Variants in HEPHL1 observed in about 807,000 individuals in gnomAD.
HEPHL1 encodes the protein hephaestin like 1.
Under a neutral mutation model 122.0 loss-of-function variants are expected in HEPHL1, and 123 were observed. That is an observed-to-expected ratio of 1.01 (90% CI 0.87 to 1.17). The LOEUF is 1.17. Ranked by LOEUF, HEPHL1 falls within the 50% of genes most tolerant of loss-of-function variation. The pLI is 0.00. For missense variants in HEPHL1, 1,452 were observed against 1,430.5 expected, an observed-to-expected ratio of 1.01 and a Z score of -0.24; for synonymous variants, 527 against 508.9, an observed-to-expected ratio of 1.04 and a Z score of -0.48.
chr11:94,108,215 A>T (rs1167974362), intron 17 of HEPHL1, among the ~76,000 whole-genome samples: 1 of 152,050 alleles, frequency 6.6e-6, no homozygotes, highest in Non-Finnish European at 1.5e-5. Context: ...ATCTTTGGTG[A>T]AGTGTCCAAA....
chr11:94,093,330 T>C (rs981111445), intron 12 of HEPHL1, among the ~76,000 whole-genome samples, 171 bp from the exon 13 acceptor site: 3 of 152,038 alleles, frequency 2.0e-5, no homozygotes, highest in Non-Finnish European at 2.9e-5. Flanking sequence ...AAAGTGCAGA[T>C]GCCTGGCCTC....
At chr11:94,087,123 C>A (rs561824536) in intron 11 of HEPHL1, among the ~76,000 whole-genome samples, 1 of 152,114 alleles carries the variant, frequency 6.6e-6, no homozygotes. Flanking sequence ...TGAACTTTTC[C>A]TAGTGTCCAG....
intron 9 of HEPHL1, among the ~76,000 whole-genome samples, chr11:94,079,500 G>A (rs752265316): frequency 1.4e-4 from 22 of 152,292 alleles, no homozygotes; most frequent in Non-Finnish European, 2.8e-4. Flanking sequence ...AATAGTAGGC[G>A]CAAGGAGTAC....
chr11:94,083,469 G>C (rs943161207), intron 10 of HEPHL1, among the ~76,000 whole-genome samples: 4 of 152,176 alleles, frequency 2.6e-5, no homozygotes, highest in Admixed American at 6.5e-5. Flanking sequence ...AGAGTAATGA[G>C]AGTCCAAACT....
At chr11:94,043,081 T>A (rs1038463841) in intron 1 of HEPHL1, among the ~76,000 whole-genome samples, 1 of 151,970 alleles carries the variant, frequency 6.6e-6, no homozygotes, top group Non-Finnish European at 1.5e-5. Flanking sequence ...GACACGTGCT[T>A]AACACATTTT....
At chr11:94,081,611 A>G (rs987061147) in intron 9 of HEPHL1, among the ~76,000 whole-genome samples, 4 of 152,096 alleles carry the variant, frequency 2.6e-5, no homozygotes, top group African/African-American at 9.7e-5. Context: ...TATCCACTCA[A>G]GTTAACATAA....
chr11:94,042,886 A>AAAAAAAAAAAAAAAAAAAAT (rs1454089883), intron 1 of HEPHL1, among the ~76,000 whole-genome samples: 1 of 149,116 alleles, frequency 6.7e-6, no homozygotes, highest in African/African-American at 2.4e-5. Flanking sequence ...AAAAAAAAAA[A>AAAAAAAAAAAAAAAAAAAAT]AAAAAAACTG....
intron 3 of HEPHL1, 91 bp downstream of exon 3, chr11:94,063,811 TG>T (rs1425107370): frequency 4.8e-6 from 5 of 1,040,912 alleles, no homozygotes; most frequent in Non-Finnish European, 5.9e-6. Context: ...CCACACAGAA[TG>T]TGCCTCTTCC....
At position 94,110,931 on chromosome 11, in the gene HEPHL1, A is replaced by G. The variant is rs757623106; in HGVS notation, c.3074A>G (p.Tyr1025Cys). The G allele has an allele frequency of 1.1e-5, 18 of 1,613,084 alleles. No homozygotes were observed. The highest frequency in any genetic ancestry group is 1.5e-5 in the Non-Finnish European group (18 of 1,179,580). ...GATAAATCTTACCGAGAAGATGTGT[A>G]TGATCTCTTTCCTGGGACATTCCAA... Reference protein sequence around the residue: ...KIDKSYREDVYDLFPGTFQTI... With the variant: ...KIDKSYREDVCDLFPGTFQTI... Residue 1025 changes from tyrosine (Y) to cysteine (C), a missense_variant, in exon 18 of 20, where the codon TAT (tyrosine) becomes TGT (cysteine). Coordinates refer to ENST00000315765, the MANE Select transcript of HEPHL1 (RefSeq NM_001098672.2).
intron 2 of HEPHL1, among the ~76,000 whole-genome samples, chr11:94,046,592 G>A (rs1294351602): frequency 6.7e-6 from 1 of 148,884 alleles, no homozygotes; most frequent in African/African-American, 2.5e-5. Flanking sequence ...AGCAGCCTTG[G>A]CTGTGGGTAC....
intron 1 of HEPHL1, among the ~76,000 whole-genome samples, chr11:94,028,553 C>T (rs1945646084): frequency 6.6e-6 from 1 of 152,118 alleles, no homozygotes; most frequent in Admixed American, 6.6e-5. Context: ...GTTCCAAGTC[C>T]CCATCTTGTC....
At position 94,075,314 on chromosome 11, in the gene HEPHL1, G is replaced by A. The variant is rs757061880; in HGVS notation, c.1645G>A (p.Asp549Asn). 23 of 1,613,404 alleles carry A rather than the reference G, an allele frequency of 1.4e-5. No individual in the cohort carries two copies. Among genetic ancestry groups the A allele is most frequent in the South Asian group, 3.3e-5 (3 of 91,084 alleles). ...CTTCTCAGCAGTTGATCCAATTAAG[G>A]ACACCAGCTCTGGCCTGGTAGGGCC... is the stretch of plus-strand genomic sequence containing the variant. ...LYFSAVDPIK[D>N]TSSGLVGPLL... is the part of the protein sequence containing the mutation. The change falls in exon 9 of 20, where the codon GAC becomes AAC. Residue 549 changes from aspartate (D) to asparagine (N), a missense_variant. By Grantham distance (23) the Asp-to-Asn change is conservative (BLOSUM62 1). Transcript: ENST00000315765.
intron 12 of HEPHL1, among the ~76,000 whole-genome samples, chr11:94,089,938 C>T (rs772160970): frequency 2.0e-5 from 3 of 152,118 alleles, no homozygotes; most frequent in Non-Finnish European, 4.4e-5. Flanking sequence ...TCGCCCCCTG[C>T]CACCATACTC....
intron 18 of HEPHL1, 43 bp downstream of exon 18, chr11:94,111,108 T>C (rs1452335572): frequency 6.6e-7 from 1 of 1,514,394 alleles, no homozygotes; most frequent in African/African-American, 1.4e-5. Flanking sequence ...GCACCGAGCT[T>C]CCTGTAGACC....
chr11:94,093,388 G>A, intron 12 of HEPHL1, 113 bp from the exon 13 acceptor site: 1 of 1,215,356 alleles, frequency 8.2e-7, no homozygotes, highest in Non-Finnish European at 1.2e-6. Context: ...GGGAGCACTT[G>A]ATCACAGCCA....
Position 94,111,765 on chromosome 11 carries a change from C to T in HEPHL1, c.3351C>T (p.Val1117=). The T allele has an allele frequency of 6.3e-7, 1 of 1,599,838 alleles. No homozygotes were observed. The highest frequency in any genetic ancestry group is 8.5e-7 in the Non-Finnish European group (1 of 1,173,334). Residue 1117 remains valine, a synonymous_variant, in exon 20 of 20, where the codon GTC becomes GTT. Coordinates refer to ENST00000315765, the MANE Select transcript of HEPHL1 (RefSeq NM_001098672.2). ...LGPTGAKAAL[V]ILFIIGLLLL... is the part of the protein sequence containing the mutation. ...CAACAGGAGCCAAGGCAGCCTTGGT[C>T]ATCCTTTTCATCATTGGACTCCTCC...
At chr11:94,073,510 G>C in intron 8 of HEPHL1, 71 bp downstream of exon 8, 1 of 1,448,556 alleles carries the variant, frequency 6.9e-7, no homozygotes, top group South Asian at 1.3e-5. Context: ...AACAGTCCTG[G>C]TTCAAATCCT....
At chr11:94,055,594 G>T in intron 2 of HEPHL1, 1 of 319,876 alleles carries the variant, frequency 3.1e-6, no homozygotes, top group South Asian at 2.8e-5. Context: ...TCGGTAACAT[G>T]AGGATCTCTT....
chr11:94,092,475 T>C (rs1464744795), intron 12 of HEPHL1, among the ~76,000 whole-genome samples: 1 of 152,234 alleles, frequency 6.6e-6, no homozygotes, highest in Non-Finnish European at 1.5e-5. Flanking sequence ...AAGGAGTCTC[T>C]CTGCCTTCTT....
Sources: allele counts gnomAD v4.1 joint callset (sites outside exome capture counted in the v4.1 genomes callset), GRCh38; gene constraint gnomAD v4.1.1; transcripts MANE v1.5; gene names NCBI Gene and HGNC (gene_info 2026-07-23, HGNC 2026-07-21).